Variants in LTBP1 observed in about 807,000 individuals in gnomAD.
The protein encoded by LTBP1 is latent-transforming growth factor beta-binding protein 1.
LTBP1 carries 129 observed loss-of-function variants against 207.6 expected under a neutral mutation model. The observed-to-expected ratio is 0.62, with a 90% confidence interval of 0.54 to 0.72. The LOEUF is 0.72. Ranked by LOEUF, LTBP1 falls within the 30% of genes least tolerant of loss-of-function variation. LTBP1 has a pLI of 0.00. For synonymous variants in LTBP1, 963 were observed against 833.7 expected, an observed-to-expected ratio of 1.16 and a Z score of -2.67; for missense variants, 2,281 against 2,217.2, an observed-to-expected ratio of 1.03 and a Z score of -0.58.
intron 5 of LTBP1, among the ~76,000 whole-genome samples, chr2:33,158,335 T>C (rs2084174931): frequency 6.6e-6 from 1 of 152,028 alleles, no homozygotes. Flanking sequence ...AAGTAAGTAG[T>C]TACATAGAAG....
At chr2:33,151,305 T>A (rs1226142208) in intron 5 of LTBP1, among the ~76,000 whole-genome samples, 1 of 152,202 alleles carries the variant, frequency 6.6e-6, no homozygotes, top group Non-Finnish European at 1.5e-5. Context: ...ATTCTCTGTT[T>A]AACATTTTGA....
chr2:32,948,779 A>C, intron 1 of LTBP1, 96 bp from the exon 2 acceptor site: 1 of 1,157,194 alleles, frequency 8.6e-7, no homozygotes, highest in Non-Finnish European at 1.3e-6. Context: ...GGGTTGCAGA[A>C]GCTGGAGGCT....
intron 13 of LTBP1, among the ~76,000 whole-genome samples, chr2:33,260,253 C>A (rs1197785408): frequency 1.3e-5 from 2 of 152,042 alleles, no homozygotes; most frequent in Admixed American, 6.6e-5. Context: ...GGCTTTCTTT[C>A]TTTAATAAAA....
At chr2:33,223,262 T>A (rs2149444441) in intron 9 of LTBP1, among the ~76,000 whole-genome samples, 1 of 152,382 alleles carries the variant, frequency 6.6e-6, no homozygotes, top group East Asian at 1.9e-4. Flanking sequence ...TTTTCTCAAT[T>A]GTCTATAGTG....
intron 4 of LTBP1, among the ~76,000 whole-genome samples, chr2:33,118,270 G>A (rs2080889882): frequency 6.6e-6 from 1 of 151,016 alleles, no homozygotes; most frequent in Non-Finnish European, 1.5e-5. Context: ...GGTACTAAAA[G>A]GCAGTGGAAG....
intron 2 of LTBP1, among the ~76,000 whole-genome samples, chr2:32,960,127 A>G (rs1678852680): frequency 6.6e-6 from 1 of 152,164 alleles, no homozygotes; most frequent in Non-Finnish European, 1.5e-5. Flanking sequence ...CTGCCTCTTC[A>G]TTGGCTGTGA....
intron 13 of LTBP1, among the ~76,000 whole-genome samples, chr2:33,260,946 G>C (rs3769535): frequency 0.22 from 33,140 of 152,130 alleles, 4,413 homozygotes; most frequent in Non-Finnish European, 0.29. Flanking sequence ...TTGGGGAGGA[G>C]ATAGTACGAA....
chr2:33,187,011 T>A lies in LTBP1; in HGVS notation c.1357T>A (p.Leu453Met), dbSNP rs745424717. 5.1e-5 allele frequency: 82 copies of A among 1,613,972 alleles called. No individual in the cohort carries two copies. Among genetic ancestry groups the A allele is most frequent in the Non-Finnish European group, 6.9e-5 (81 of 1,180,010 alleles). The change falls in exon 6 of 34, where the codon TTG (leucine) becomes ATG (methionine). Residue 453 changes from leucine (L) to methionine (M), a missense_variant. Transcript: ENST00000404816. The stretch of plus-strand genomic sequence containing the variant: ...GCATTCCCAGCAGCCAGGCAAGGCG[T>A]TGGGGACGCATGTCATCCATTCAAC... ...YQHSQQPGKALGTHVIHSTHT... is the reference protein window; with the variant it reads ...YQHSQQPGKAMGTHVIHSTHT...
intron 26 of LTBP1, among the ~76,000 whole-genome samples, chr2:33,348,511 A>C (rs1392437542): frequency 2.0e-5 from 3 of 152,200 alleles, no homozygotes; most frequent in African/African-American, 7.2e-5. Context: ...CATAAAGAAG[A>C]GACTTTTCAT....
intron 3 of LTBP1, among the ~76,000 whole-genome samples, chr2:33,047,215 A>G (rs2149467007): frequency 6.6e-6 from 1 of 152,014 alleles, no homozygotes; most frequent in African/African-American, 2.4e-5. Flanking sequence ...TAGGGTGTTG[A>G]TTTTAGATCT....
At chr2:32,977,074 A>G (rs1464476546) in intron 2 of LTBP1, among the ~76,000 whole-genome samples, 2 of 152,214 alleles carry the variant, frequency 1.3e-5, no homozygotes, top group Non-Finnish European at 1.5e-5. Context: ...ATCCTGGGGC[A>G]AAAGGATATT....
chr2:33,213,085 C>T (rs2090434883), intron 7 of LTBP1, among the ~76,000 whole-genome samples: 1 of 152,084 alleles, frequency 6.6e-6, no homozygotes, highest in Non-Finnish European at 1.5e-5. Flanking sequence ...ACTTTCATTT[C>T]TCTGCTTGCA....
chr2:33,129,209 T>C (rs1470893433), intron 4 of LTBP1, among the ~76,000 whole-genome samples: 1 of 152,246 alleles, frequency 6.6e-6, no homozygotes, highest in Non-Finnish European at 1.5e-5. Context: ...TGTCCTTTTT[T>C]GTAAAATATT....
intron 3 of LTBP1, among the ~76,000 whole-genome samples, chr2:33,079,132 C>T (rs190915485): frequency 2.0e-4 from 30 of 152,032 alleles, no homozygotes; most frequent in Non-Finnish European, 4.1e-4. Flanking sequence ...TCATATATTC[C>T]GACCAGTGTT....
chr2:33,290,363 G>C (rs776804767), intron 19 of LTBP1, among the ~76,000 whole-genome samples: 1 of 152,160 alleles, frequency 6.6e-6, no homozygotes, highest in Non-Finnish European at 1.5e-5. Flanking sequence ...CCCAAGGGTT[G>C]GAAGCTAGAA....
At chr2:33,295,987 A>G (rs553523454) in intron 20 of LTBP1, among the ~76,000 whole-genome samples, 16 of 152,086 alleles carry the variant, frequency 1.1e-4, no homozygotes, top group Non-Finnish European at 1.8e-4. Context: ...GCACACCTCC[A>G]TTTCTCCTGG....
rs150123521 is a variant in LTBP1 at position 33,293,262 on chromosome 2, C to G, written c.3215C>G (p.Pro1072Arg). Residue 1072 changes from proline (P) to arginine (R), a missense_variant, in exon 20 of 34, where the codon CCG becomes CGG. Pro to Arg is a moderately radical substitution (Grantham distance 103). This residue lies in a region of LTBP1 where 1,671 missense variants were observed against 1,634.8 expected (regional missense o/e 1.02). Transcript: ENST00000404816. ...CSCHKGYTRT[P>R]DHKHCRDIDE... The stretch of plus-strand genomic sequence containing the variant: ...TGCCACAAAGGCTATACCCGGACTC[C>G]GGACCACAAGCACTGTAGAGGTAAA... The G allele has an allele frequency of 6.2e-7, 1 of 1,613,322 alleles. No homozygotes were observed. The highest frequency in any genetic ancestry group is 8.5e-7 in the Non-Finnish European group (1 of 1,179,844).
chr2:33,116,159 C>G (rs1031142626), intron 4 of LTBP1, among the ~76,000 whole-genome samples: 1 of 152,174 alleles, frequency 6.6e-6, no homozygotes, highest in Non-Finnish European at 1.5e-5. Flanking sequence ...CAAAGAAGAA[C>G]TAAAAGATTA....
At chr2:33,305,815 A>G (rs1165579282) in intron 22 of LTBP1, among the ~76,000 whole-genome samples, 2 of 152,184 alleles carry the variant, frequency 1.3e-5, no homozygotes, top group African/African-American at 4.8e-5. Flanking sequence ...CCCAGAATCC[A>G]AGAGAAGAAA....
Sources: gnomAD v4.1 joint callset for allele counts (sites outside exome capture counted in the v4.1 genomes callset) on GRCh38, gnomAD v4.1.1 for gene constraint, gnomAD v4.1.1 regional missense constraint, MANE v1.5 for transcripts, NCBI Gene and HGNC (gene_info 2026-07-23, HGNC 2026-07-21) for gene names.